Variants in EPB41L4A observed in about 807,000 individuals in gnomAD.
EPB41L4A encodes band 4.1-like protein 4A.
EPB41L4A carries 100 observed loss-of-function variants against 108.6 expected under a neutral mutation model. The ratio of observed to expected loss-of-function variants is 0.92; its 90% CI spans 0.78 to 1.09. The LOEUF is 1.09. Ranked by LOEUF, EPB41L4A falls within the 50% of genes least tolerant of loss-of-function variation. EPB41L4A has a pLI of 0.00. For missense variants in EPB41L4A, 1,030 were observed against 842.7 expected (o/e 1.22, Z -2.75); for synonymous variants, 319 against 289.0 (o/e 1.10, Z -1.05).
chr5:112,167,242 T>G (rs1363281926), intron 22 of EPB41L4A, among the ~76,000 whole-genome samples: 3 of 151,994 alleles, frequency 2.0e-5, no homozygotes, highest in African/African-American at 7.2e-5. Flanking sequence ...GTATTAAAGT[T>G]ACACAAGTAG....
At chr5:112,406,432 T>A (rs1762074579) in intron 1 of EPB41L4A, among the ~76,000 whole-genome samples, 1 of 152,142 alleles carries the variant, frequency 6.6e-6, no homozygotes, top group Non-Finnish European at 1.5e-5. Context: ...GCTCTAATAC[T>A]AAAAATTAAA....
chr5:112,199,392 T>G (rs753932664), intron 15 of EPB41L4A, among the ~76,000 whole-genome samples: 113 of 152,182 alleles, frequency 7.4e-4, no homozygotes, highest in Non-Finnish European at 1.2e-3. Context: ...GATTTTTCCA[T>G]GGCCACAATC....
At chr5:112,416,917 A>G (rs1762748981) in intron 1 of EPB41L4A, among the ~76,000 whole-genome samples, 1 of 152,180 alleles carries the variant, frequency 6.6e-6, no homozygotes, top group Non-Finnish European at 1.5e-5. Context: ...TAACACATAC[A>G]CTTTTAAGGT....
chr5:112,345,511 G>A (rs1450124859), intron 1 of EPB41L4A, among the ~76,000 whole-genome samples: 1 of 151,954 alleles, frequency 6.6e-6, no homozygotes, highest in Non-Finnish European at 1.5e-5. Flanking sequence ...ATACAAAAAT[G>A]TTAACCATGG....
rs747085407 is a variant in EPB41L4A, at chr5:112,239,674, A to G, written c.951T>C (p.Tyr317=). The G allele has an allele frequency of 6.9e-6, 11 of 1,605,184 alleles. No homozygotes were observed. In the East Asian group the frequency reaches 2.0e-4, roughly 30 times the overall value. ...RKLSKFGSIR[Y]KHRYSGRTAL... is the part of the protein sequence containing the mutation. The stretch of plus-strand genomic sequence containing the variant: ...ATGTCATTTACCTGTAGCGGTGCTT[A>G]TAACGTATGGATCCAAACTTGCTGA... The change falls in exon 11 of 23, where the codon TAT becomes TAC. Residue 317 remains tyrosine, a synonymous_variant. Coordinates refer to ENST00000261486, the MANE Select transcript of EPB41L4A (RefSeq NM_022140.5).
intron 11 of EPB41L4A, among the ~76,000 whole-genome samples, chr5:112,237,813 T>C (rs948595359): frequency 6.6e-6 from 1 of 152,180 alleles, no homozygotes; most frequent in Admixed American, 6.6e-5. Context: ...CCAAGGATGG[T>C]GTAATGTTAG....
At chr5:112,170,229 A>G in intron 20 of EPB41L4A, 72 bp downstream of exon 20, 2 of 1,427,038 alleles carry the variant, frequency 1.4e-6, no homozygotes, top group East Asian at 2.3e-5. Context: ...CTGGAACACA[A>G]TTGAAGAATT....
rs542997581 is a variant in EPB41L4A, at chr5:112,188,713, G to A, written c.1503-4578C>T. 3.0e-4 allele frequency among the ~76,000 whole-genome samples: 46 copies of A among 152,206 alleles called. No individual in the cohort carries two copies. In the South Asian group the frequency reaches 8.7e-3, roughly 29 times the overall value. Reference sequence around the variant, plus strand: ...TCTCCGTACCCAAAATTTTTACCTCGTTTGCAGCCCCTAAATCAGGGGCAG... The same window carrying A: ...TCTCCGTACCCAAAATTTTTACCTCATTTGCAGCCCCTAAATCAGGGGCAG... On this transcript the variant is annotated intron_variant, in intron 17 of 22. Transcript: ENST00000261486.
At chr5:112,304,243 T>C (rs1007577745) in intron 2 of EPB41L4A, among the ~76,000 whole-genome samples, 2 of 152,180 alleles carry the variant, frequency 1.3e-5, no homozygotes, top group African/African-American at 4.8e-5. Context: ...CAATGCCACG[T>C]TGATTTCCAT....
At chr5:112,237,677 G>A (rs1022435178) in intron 11 of EPB41L4A, among the ~76,000 whole-genome samples, 1 of 152,120 alleles carries the variant, frequency 6.6e-6, no homozygotes, top group East Asian at 1.9e-4. Context: ...CAAGAAAGGG[G>A]CAGGCATATT....
In EPB41L4A at chr5:112,155,275, A is replaced by G. The variant is rs142713468; in HGVS notation, n.994+3126T>C. ...ATTTAGGACCACAACATCACAAAAC[A>G]TATGTATCTCTCAAACAACATTTCA... On this transcript the variant is annotated intron_variant and non_coding_transcript_variant, in intron 12 of 13. Coordinates refer to the EPB41L4A transcript ENST00000507810. Among the ~76,000 whole-genome samples, 285 of 152,256 alleles carry G rather than the reference A, an allele frequency of 1.9e-3. 1 individual carries two copies. Among genetic ancestry groups the G allele is most frequent in the African/African-American group, 6.3e-3 (262 of 41,550 alleles).
intron 1 of EPB41L4A, among the ~76,000 whole-genome samples, chr5:112,392,222 C>T (rs763849010): frequency 6.6e-6 from 1 of 151,890 alleles, no homozygotes; most frequent in Non-Finnish European, 1.5e-5. Flanking sequence ...TCACACATAA[C>T]AATATTAACC....
At chr5:112,412,701 G>T (rs1392271012) in intron 1 of EPB41L4A, among the ~76,000 whole-genome samples, 2 of 152,146 alleles carry the variant, frequency 1.3e-5, no homozygotes, top group African/African-American at 4.8e-5. Flanking sequence ...CCCAAAGCAG[G>T]ATGACCAGGA....
At chr5:112,291,431 T>C (rs1753634128) in intron 2 of EPB41L4A, among the ~76,000 whole-genome samples, 1 of 152,222 alleles carries the variant, frequency 6.6e-6, no homozygotes. Flanking sequence ...ATGATATATA[T>C]TGGTTTTCAT....
intron 20 of EPB41L4A, 41 bp from the exon 21 acceptor site, chr5:112,169,146 G>C (rs1204607334): frequency 1.4e-6 from 2 of 1,403,146 alleles, no homozygotes; most frequent in Non-Finnish European, 2.0e-6. Flanking sequence ...AACACCCAAA[G>C]TCAGAAAAGG....
At position 112,306,970 on chromosome 5, in the gene EPB41L4A, C is replaced by CTT. The variant is rs201741424; in HGVS notation, c.204+414_204+415dup. On this transcript the variant is annotated intron_variant, in intron 2 of 22. Transcript: ENST00000261486. ...CTCACTTATAAAACTTAGGTAGTCACTTTTTTTTTTACACTGTTATTTCTT... is the reference window on the plus strand; with the variant it reads ...CTCACTTATAAAACTTAGGTAGTCACTTTTTTTTTTTTACACTGTTATTTCTT... 4.0e-5 allele frequency among the ~76,000 whole-genome samples: 6 copies of CTT among 149,066 alleles called. No individual in the cohort carries two copies. The East Asian group carries it at 7.8e-4, about 19-fold the overall frequency.
At chr5:112,377,249 T>C (rs1359180326) in intron 1 of EPB41L4A, among the ~76,000 whole-genome samples, 1 of 151,962 alleles carries the variant, frequency 6.6e-6, no homozygotes, top group Non-Finnish European at 1.5e-5. Flanking sequence ...TGTGGAATCT[T>C]TGAGATAATG....
chr5:112,398,776 T>C lies in EPB41L4A; in HGVS notation c.99+20165A>G, dbSNP rs712678. ...CAGGTATCAGATCAGCTAGCCCCTG[T>C]GAGTATTAACAAAATAAGACTGCCA... On this transcript the variant is annotated intron_variant, in intron 1 of 22. Transcript: ENST00000261486. 5.1e-3 allele frequency among the ~76,000 whole-genome samples: 777 copies of C among 152,186 alleles called. 6 individuals are homozygous for C. The highest frequency in any genetic ancestry group is 0.017 in the African/African-American group (706 of 41,528).
chr5:112,371,245 C>T (rs113451284), intron 1 of EPB41L4A, among the ~76,000 whole-genome samples: 2,345 of 152,270 alleles, frequency 0.015, 58 homozygotes, highest in African/African-American at 0.052. Context: ...GCCCACATTC[C>T]TGCTTAGCGT....
Sources: gnomAD v4.1 joint callset for allele counts (sites outside exome capture counted in the v4.1 genomes callset) on GRCh38, gnomAD v4.1.1 for gene constraint, MANE v1.5 for transcripts, NCBI Gene and HGNC (gene_info 2026-07-23, HGNC 2026-07-21) for gene names.